Variants in GULP1 observed in about 807,000 individuals in gnomAD.
The protein encoded by GULP1 is GULP PTB domain containing engulfment adaptor 1, also known as PTB domain-containing engulfment adapter protein 1.
GULP1 carries 19 observed loss-of-function variants against 40.9 expected under a neutral mutation model. The ratio of observed to expected loss-of-function variants is 0.46; its 90% CI spans 0.32 to 0.68. GULP1 has a LOEUF of 0.68. Among genes scored for constraint, GULP1 ranks in the 30% least tolerant of loss-of-function variants. GULP1 has a pLI of 0.03. For missense variants in GULP1, 312 were observed against 362.2 expected (o/e 0.86, Z 1.12); for synonymous variants, 119 against 117.6 (o/e 1.01, Z -0.08).
intron 2 of GULP1, among the ~76,000 whole-genome samples, chr2:188,463,761 C>G (rs1310941542): frequency 6.6e-6 from 1 of 151,906 alleles, no homozygotes; most frequent in Non-Finnish European, 1.5e-5. Context: ...CTAATTCTTT[C>G]CTCTGCTTTA....
chr2:188,592,328 C>T (rs957228159), intron 11 of GULP1: 1 of 151,684 alleles, frequency 6.6e-6, no homozygotes, highest in Admixed American at 6.6e-5. Context: ...TTGTAATATA[C>T]CAGAAGATGA....
chr2:188,549,052 A>T (rs193171937), intron 7 of GULP1, among the ~76,000 whole-genome samples: 170 of 152,034 alleles, frequency 1.1e-3, no homozygotes, highest in African/African-American at 4.0e-3. Flanking sequence ...CTAGGAAAAG[A>T]GTTCTTAGAA....
At chr2:188,580,329 G>A (rs935150550) in intron 9 of GULP1, among the ~76,000 whole-genome samples, 6 of 152,048 alleles carry the variant, frequency 3.9e-5, no homozygotes, top group Non-Finnish European at 7.4e-5. Context: ...CGAGGCGGGC[G>A]GATCACGAGG....
At chr2:188,346,779 T>C (rs556128727) in intron 1 of GULP1, among the ~76,000 whole-genome samples, 2 of 151,954 alleles carry the variant, frequency 1.3e-5, no homozygotes, top group Non-Finnish European at 2.9e-5. Flanking sequence ...GAGAACATCC[T>C]GGCCAACTTG....
chr2:188,433,192 C>T (rs946265527), intron 2 of GULP1, among the ~76,000 whole-genome samples: 4 of 152,110 alleles, frequency 2.6e-5, no homozygotes, highest in African/African-American at 7.2e-5. Context: ...TACGCAAATA[C>T]TTGGAAGCAG....
intron 2 of GULP1, among the ~76,000 whole-genome samples, chr2:188,472,817 T>C (rs1182410475): frequency 6.6e-6 from 1 of 152,204 alleles, no homozygotes; most frequent in East Asian, 1.9e-4. Flanking sequence ...GGTGAGGTCA[T>C]GTTTACCTGG....
intron 2 of GULP1, among the ~76,000 whole-genome samples, chr2:188,423,504 C>T (rs1055295237): frequency 6.6e-6 from 1 of 151,772 alleles, no homozygotes; most frequent in African/African-American, 2.4e-5. Flanking sequence ...TCAGAGATTA[C>T]ATGATTATGA....
In GULP1 at chr2:188,352,309, C is replaced by A. The variant is rs2044563791; in HGVS notation, c.-171-31454C>A. Among the ~76,000 whole-genome samples, 2 of 152,096 alleles carry A rather than the reference C, an allele frequency of 1.3e-5. 1 individual carries two copies. The highest frequency in any genetic ancestry group is 3.9e-4 in the East Asian group (2 of 5,176). ...AAAAAGGTTGAGTGAGATGGAATTT[C>A]TTCTGCCTAGCTGCATGAGCTGGAA... On this transcript the variant is annotated intron_variant, in intron 1 of 11. Transcript: ENST00000409830.
intron 1 of GULP1, among the ~76,000 whole-genome samples, chr2:188,303,279 G>T (rs1288561625): frequency 6.6e-6 from 1 of 152,094 alleles, no homozygotes; most frequent in Admixed American, 6.6e-5. Context: ...CCAAATCTGA[G>T]AATTGACAAG....
chr2:188,338,369 C>T (rs945017158), intron 1 of GULP1, among the ~76,000 whole-genome samples: 1 of 151,170 alleles, frequency 6.6e-6, no homozygotes, highest in Non-Finnish European at 1.5e-5. Flanking sequence ...GTCTCCATCT[C>T]CCAGGGCTCA....
At chr2:188,361,638 C>T (rs1201449388) in intron 1 of GULP1, among the ~76,000 whole-genome samples, 4 of 152,114 alleles carry the variant, frequency 2.6e-5, no homozygotes, top group African/African-American at 9.6e-5. Flanking sequence ...GGTGTTCACA[C>T]CTAAACCAAA....
intron 1 of GULP1, among the ~76,000 whole-genome samples, chr2:188,346,515 C>T (rs564582326): frequency 6.6e-6 from 1 of 151,130 alleles, no homozygotes; most frequent in South Asian, 2.1e-4. Context: ...CTTTTTGAGA[C>T]GGAGTCTTGC....
intron 2 of GULP1, among the ~76,000 whole-genome samples, chr2:188,435,250 C>T (rs1326119244): frequency 1.3e-5 from 2 of 151,910 alleles, no homozygotes; most frequent in Admixed American, 1.3e-4. Context: ...CAGATTGTTC[C>T]AACTCTTTTT....
At chr2:188,475,797 C>G (rs1474113627) in intron 2 of GULP1, among the ~76,000 whole-genome samples, 1 of 151,408 alleles carries the variant, frequency 6.6e-6, no homozygotes, top group Non-Finnish European at 1.5e-5. Flanking sequence ...GAAATGATAC[C>G]AAATATATTA....
At chr2:188,385,010 G>A (rs937601959) in intron 2 of GULP1, among the ~76,000 whole-genome samples, 1 of 152,112 alleles carries the variant, frequency 6.6e-6, no homozygotes, top group African/African-American at 2.4e-5. Flanking sequence ...CAAGTTGTTG[G>A]TGGATCTACC....
intron 1 of GULP1, among the ~76,000 whole-genome samples, chr2:188,306,798 T>G (rs548357489): frequency 2.0e-4 from 30 of 152,294 alleles, no homozygotes; most frequent in South Asian, 4.1e-4. Context: ...TCATCTACGT[T>G]TTAGAAAGAG....
chr2:188,506,446 CTT>C (rs1036908819), intron 4 of GULP1, among the ~76,000 whole-genome samples: 1 of 151,930 alleles, frequency 6.6e-6, no homozygotes, highest in Non-Finnish European at 1.5e-5. Flanking sequence ...TAGAGATACT[CTT>C]TGGCTTTTAT....
chr2:188,485,037 A>G (rs1283264316), intron 4 of GULP1, among the ~76,000 whole-genome samples: 1 of 152,106 alleles, frequency 6.6e-6, no homozygotes, highest in Non-Finnish European at 1.5e-5. Context: ...TATGAAATCT[A>G]TACTGAAAAA....
At chr2:188,351,670 A>G (rs996770328) in intron 1 of GULP1, among the ~76,000 whole-genome samples, 3 of 152,228 alleles carry the variant, frequency 2.0e-5, no homozygotes, top group Admixed American at 1.3e-4. Context: ...ATTCCAATCT[A>G]TAATATGAAA....
Sources: allele counts gnomAD v4.1 joint callset (sites outside exome capture counted in the v4.1 genomes callset), GRCh38; gene constraint gnomAD v4.1.1; transcripts MANE v1.5; gene names NCBI Gene and HGNC (gene_info 2026-07-23, HGNC 2026-07-21).